The following NAV2 variants were observed in gnomAD, a reference collection of about 807,000 sequenced individuals.
NAV2 encodes helicase, APC down-regulated 1.
In NAV2, 54 loss-of-function variants were observed where a neutral mutation model predicts 223.2. That is an observed-to-expected ratio of 0.24 (90% CI 0.19 to 0.30). NAV2 has a LOEUF of 0.30. NAV2 is among the 10% of genes least tolerant of loss of function. NAV2 has a pLI of 1.00. For synonymous variants in NAV2, 1,279 were observed against 1,239.3 expected (o/e 1.03, Z -0.67); for missense variants, 2,806 against 3,147.5 (o/e 0.89, Z 2.60).
At chr11:20,022,845 A>G in intron 11 of NAV2, 1 of 1,276,710 alleles carries the variant, frequency 7.8e-7, no homozygotes, top group Non-Finnish European at 9.9e-7. Flanking sequence ...GAAACTTTTC[A>G]CAGCTGACTT....
At chr11:19,893,703 CT>C (rs1472003708) in intron 6 of NAV2, among the ~76,000 whole-genome samples, 1 of 152,206 alleles carries the variant, frequency 6.6e-6, no homozygotes, top group African/African-American at 2.4e-5. Flanking sequence ...GCACTGGGAA[CT>C]CTGCAAATGG....
intron 1 of NAV2, among the ~76,000 whole-genome samples, chr11:19,722,921 C>T (rs901913648): frequency 5.9e-5 from 9 of 152,290 alleles, no homozygotes; most frequent in Admixed American, 2.0e-4. Context: ...GAGTAGAGGG[C>T]GGAGGCAGAT....
chr11:19,840,550 A>T (rs750114435), intron 2 of NAV2, among the ~76,000 whole-genome samples: 3 of 152,198 alleles, frequency 2.0e-5, no homozygotes, highest in Non-Finnish European at 4.4e-5. Flanking sequence ...CATTTGGAAG[A>T]CACCTTGACT....
chr11:19,933,774 G>A lies in NAV2; in HGVS notation c.1530G>A (p.Val510=). 1 of 1,614,210 alleles carries A rather than the reference G, an allele frequency of 6.2e-7. No homozygotes were observed. Among genetic ancestry groups the A allele is most frequent in the Admixed American group, 1.7e-5 (1 of 60,022 alleles). The change falls in exon 7 of 38, where the codon GTG becomes GTA. Residue 510 remains valine (V), a synonymous_variant. Transcript: ENST00000349880. This position sits in a 1 kb window ranked among gnomAD's most constrained non-coding sequence, Gnocchi z 4.3. ...AGGACCTTGCCAAGAGAGCCTCTGT[G>A]ACGGAGAGGCTGGACCTCAAGGAGG... ...KSKDLAKRAS[V]TERLDLKEEP...
At chr11:19,829,651 G>A (rs1157923251) in intron 1 of NAV2, among the ~76,000 whole-genome samples, 1 of 152,168 alleles carries the variant, frequency 6.6e-6, no homozygotes, top group Non-Finnish European at 1.5e-5. Flanking sequence ...GGGCACAGAG[G>A]GAATTGATAG....
chr11:20,045,776 TC>T (rs1466256270), intron 14 of NAV2, 106 bp downstream of exon 14: 1 of 944,102 alleles, frequency 1.1e-6, no homozygotes. Context: ...TCCACTTTAG[TC>T]CTCCAGTAAA....
At chr11:19,838,033 TAAAGG>T (rs2060321128) in intron 2 of NAV2, among the ~76,000 whole-genome samples, 1 of 152,024 alleles carries the variant, frequency 6.6e-6, no homozygotes, top group Admixed American at 6.6e-5. Flanking sequence ...GCCTTACAGA[TAAAGG>T]AGGGGAGGAG....
At chr11:19,601,728 T>C (rs2046355494) in intron 1 of NAV2, among the ~76,000 whole-genome samples, 1 of 152,118 alleles carries the variant, frequency 6.6e-6, no homozygotes, top group South Asian at 2.1e-4. Flanking sequence ...TCTCTCTCCA[T>C]GCGATGGGGT....
chr11:20,075,933 A>C (rs1407753839), intron 22 of NAV2, among the ~76,000 whole-genome samples: 1 of 149,902 alleles, frequency 6.7e-6, no homozygotes, highest in South Asian at 2.1e-4. Flanking sequence ...CTGTGTTTCT[A>C]CTCCCCCTGT....
intron 1 of NAV2, among the ~76,000 whole-genome samples, chr11:19,451,104 G>A (rs754444): frequency 0.045 from 6,883 of 152,144 alleles, 243 homozygotes; most frequent in South Asian, 0.095. Flanking sequence ...CTGTCCCCAG[G>A]TTAACTCCAC....
chr11:19,743,813 G>A (rs1211175461), intron 1 of NAV2, among the ~76,000 whole-genome samples: 1 of 152,216 alleles, frequency 6.6e-6, no homozygotes, highest in Non-Finnish European at 1.5e-5. Context: ...CCAGGCAGCT[G>A]TCTGGACTGG....
At chr11:19,756,868 G>A (rs922058300) in intron 1 of NAV2, among the ~76,000 whole-genome samples, 3 of 152,132 alleles carry the variant, frequency 2.0e-5, no homozygotes, top group East Asian at 1.9e-4. Context: ...CGGACTTCAC[G>A]CACAGAGCCC....
At position 19,931,609 on chromosome 11, in the gene NAV2, A is replaced by AAAAAAAAAGG. The variant is rs10692495; in HGVS notation, c.932-1567_932-1566insAAAAAAAAGG. 5.8e-5 allele frequency among the ~76,000 whole-genome samples: 8 copies of AAAAAAAAAGG among 137,306 alleles called. No homozygotes were observed. In the South Asian group the frequency reaches 1.7e-3, roughly 29 times the overall value. The allele number at this position is 137,306 out of a possible 152,430, so 90.1% of individuals were successfully genotyped here. Reference sequence around the variant, plus strand: ...ACATAGGTATTTAAAAAAAAAAAAAAGCAGAAGAAGCAGCCGTTAATCCCG... The same window carrying AAAAAAAAAGG: ...ACATAGGTATTTAAAAAAAAAAAAAAAAAAAAAAGGGCAGAAGAAGCAGCCGTTAATCCCG... On this transcript the variant is annotated intron_variant, in intron 6 of 37. Coordinates refer to ENST00000349880, the MANE Select transcript of NAV2 (RefSeq NM_145117.5).
chr11:19,753,690 C>T (rs1322025826), intron 1 of NAV2, among the ~76,000 whole-genome samples: 1 of 152,242 alleles, frequency 6.6e-6, no homozygotes, highest in Non-Finnish European at 1.5e-5. Flanking sequence ...AGCCCAGGCT[C>T]CAGGACAGTT....
intron 1 of NAV2, among the ~76,000 whole-genome samples, chr11:19,538,528 T>C (rs561201894): frequency 1.3e-5 from 2 of 151,812 alleles, no homozygotes; most frequent in African/African-American, 4.8e-5. Context: ...TGTTTTTTTT[T>C]TTTCTGCTAA....
At position 19,948,820 on chromosome 11, in the gene NAV2, A is replaced by G. The variant is rs2047148147; in HGVS notation, c.2385A>G (p.Gly795=). 6.2e-7 allele frequency: 1 copy of G among 1,613,850 alleles called. No individual in the cohort carries two copies. Among genetic ancestry groups the G allele is most frequent in the African/African-American group, 1.3e-5 (1 of 74,850 alleles). Residue 795 remains glycine, a synonymous_variant, in exon 10 of 38, where the codon GGA becomes GGG. Coordinates refer to ENST00000349880, the MANE Select transcript of NAV2 (RefSeq NM_145117.5). ...AGTCCAGCCCTCGGCTCCAAGCAGG[A>G]GACGCCCCCTCAATGGGCAATGGGT... The part of the protein sequence containing the change: ...LGQSSPRLQA[G]DAPSMGNGYP...
At chr11:19,756,785 G>A (rs1331482283) in intron 1 of NAV2, among the ~76,000 whole-genome samples, 1 of 152,188 alleles carries the variant, frequency 6.6e-6, no homozygotes, top group African/African-American at 2.4e-5. Context: ...GCTGATCAGG[G>A]CGCCAGTTTC....
Position 20,048,739 on chromosome 11 carries a change from G to T in NAV2, c.3914G>T (p.Gly1305Val). The change falls in exon 15 of 38, where the codon GGG becomes GTG. Residue 1305 changes from glycine to valine, a missense_variant. This residue lies in a region of NAV2 where 742 missense variants were observed against 777.9 expected (regional missense o/e 0.95). Coordinates refer to ENST00000349880, the MANE Select transcript of NAV2 (RefSeq NM_145117.5). ...TTGTCTCTTCACAGACTCTTTGGTGGGAAGCCTACCAAGCAAGTGCCCATC... is the reference window on the plus strand; with the variant it reads ...TTGTCTCTTCACAGACTCTTTGGTGTGAAGCCTACCAAGCAAGTGCCCATC... Reference protein sequence around the residue: ...ASPTLRRLFGGKPTKQVPIAT... With the variant: ...ASPTLRRLFGVKPTKQVPIAT... The T allele has an allele frequency of 6.2e-7, 1 of 1,613,816 alleles. No individual in the cohort carries two copies. The highest frequency in any genetic ancestry group is 8.5e-7 in the Non-Finnish European group (1 of 1,179,858).
At chr11:19,813,677 T>C (rs1402365987) in intron 1 of NAV2, among the ~76,000 whole-genome samples, 1 of 152,136 alleles carries the variant, frequency 6.6e-6, no homozygotes, top group Non-Finnish European at 1.5e-5. Flanking sequence ...CAGCTAAAAT[T>C]AACCTTGGAG....
Sources: gnomAD v4.1 joint callset for allele counts (sites outside exome capture counted in the v4.1 genomes callset) on GRCh38, gnomAD v4.1.1 for gene constraint, gnomAD v4.1.1 regional missense constraint, Gnocchi (gnomAD v3.1) non-coding constraint, MANE v1.5 for transcripts, NCBI Gene and HGNC (gene_info 2026-07-23, HGNC 2026-07-21) for gene names.